The following EEF2KMT variants were observed in gnomAD, a reference collection of about 807,000 sequenced individuals.
EEF2KMT encodes the protein protein-lysine N-methyltransferase EEF2KMT.
EEF2KMT carries 30 observed loss-of-function variants against 35.1 expected under a neutral mutation model. The observed-to-expected ratio is 0.85, with a 90% confidence interval of 0.64 to 1.16. The LOEUF (loss-of-function observed/expected upper bound fraction) is 1.16. EEF2KMT is among the 50% of genes most tolerant of loss of function. The probability of loss-of-function intolerance (pLI) is 0.00; values close to 1 mark genes in which losing one functional copy is unlikely to be tolerated. For missense variants in EEF2KMT, 499 were observed against 438.2 expected (o/e 1.14, Z -1.24); for synonymous variants, 190 against 187.7 (o/e 1.01, Z -0.10).
chr16:5,091,113 C>G (rs945556715), intron 4 of EEF2KMT, among the ~76,000 whole-genome samples: 3 of 151,904 alleles, frequency 2.0e-5, no homozygotes, highest in African/African-American at 7.3e-5. Flanking sequence ...CAGAGATTTG[C>G]TCTCGTTGCC....
At chr16:5,088,684 T>A (rs984315698) in intron 7 of EEF2KMT, among the ~76,000 whole-genome samples, 4 of 152,158 alleles carry the variant, frequency 2.6e-5, no homozygotes, top group African/African-American at 7.2e-5. Context: ...ACAGTCACCC[T>A]GCTCGTCTTC....
At chr16:5,087,821 A>AAC (rs796155903) in intron 7 of EEF2KMT, among the ~76,000 whole-genome samples, 69 of 133,314 alleles carry the variant, frequency 5.2e-4, no homozygotes, top group East Asian at 9.2e-4. Context: ...AAAAAAAAAA[A>AAC]GGTGGGTGGG....
At position 5,090,552 on chromosome 16, in the gene EEF2KMT, G is replaced by T. The variant is rs542077714; in HGVS notation, c.356C>A (p.Ser119Ter). The change falls in exon 5 of 8, where the codon TCG becomes TAG. Residue 119 changes from serine to a stop codon, truncating the protein, a stop_gained. Coordinates refer to ENST00000427587, the MANE Select transcript of EEF2KMT (RefSeq NM_201400.4). LOFTEE classifies it high-confidence loss of function. This position sits in a 1 kb window ranked among gnomAD's most constrained non-coding sequence, Gnocchi z 4.1. Reference sequence around the variant, plus strand: ...GGCCGTGCTCTCGGAGAGTGTGACCGAGCCTCCCGAGGGCTGCACCAAGAG... The same window carrying T: ...GGCCGTGCTCTCGGAGAGTGTGACCTAGCCTCCCGAGGGCTGCACCAAGAG... Reference protein sequence around the residue: ...HRSYLLPSGGSVTLSESTAII... With the variant: ...HRSYLLPSGG 13 of 1,611,962 alleles carry T rather than the reference G, an allele frequency of 8.1e-6. No individual in the cohort carries two copies. The East Asian group carries it at 2.5e-4, about 30-fold the overall frequency.
intron 3 of EEF2KMT, among the ~76,000 whole-genome samples, chr16:5,092,855 A>C (rs1446687828): frequency 6.6e-6 from 1 of 152,128 alleles, no homozygotes; most frequent in Non-Finnish European, 1.5e-5. Context: ...CCAGCTTCTT[A>C]GGAGGCTGGC....
At chr16:5,089,975 C>G in intron 6 of EEF2KMT, 109 bp downstream of exon 6, 1 of 1,514,366 alleles carries the variant, frequency 6.6e-7, no homozygotes. Flanking sequence ...TCTGGAAGCC[C>G]CATCATGTCC....
At position 5,085,353 on chromosome 16, in the gene EEF2KMT, G is replaced by GT. The variant is rs1957118439; in HGVS notation, c.*278dup. ...GGGGAACATCATACTTGATACACAC[G>GT]TTTTTATTTGCACAAAGAAAATGCT... On this transcript the variant is annotated 3_prime_UTR_variant, in exon 8 of 8. Transcript: ENST00000427587. The GT allele has an allele frequency of 2.0e-6, 1 of 509,332 alleles. No homozygotes were observed. Among genetic ancestry groups the GT allele is most frequent in the South Asian group, 2.1e-5 (1 of 47,856 alleles). The allele number at this position is 509,332 out of a possible 1,614,324, so 31.6% of individuals were successfully genotyped here.
intron 1 of EEF2KMT, chr16:5,097,351 T>G: frequency 6.9e-7 from 1 of 1,448,444 alleles, no homozygotes; most frequent in South Asian, 1.2e-5. Context: ...GAACGATTAC[T>G]GCCTTTAAAA....
chr16:5,087,443 C>T (rs1473319088), intron 7 of EEF2KMT: 1 of 152,182 alleles, frequency 6.6e-6, no homozygotes, highest in Admixed American at 6.5e-5. Flanking sequence ...CCGCGTCAGC[C>T]TCCTGAGGAG....
At chr16:5,092,394 C>G (rs867356619) in intron 3 of EEF2KMT, among the ~76,000 whole-genome samples, 1 of 152,160 alleles carries the variant, frequency 6.6e-6, no homozygotes, top group Non-Finnish European at 1.5e-5. Context: ...GTCAGCAGGC[C>G]GCTTCTCCAC....
In EEF2KMT at chr16:5,089,169, T is replaced by A. The variant is rs1198707433; in HGVS notation, c.830A>T (p.Glu277Val). Residue 277 changes from glutamate to valine, a missense_variant, in exon 7 of 8, where the codon GAG becomes GTG. Physicochemically the swap from Glu to Val is moderately radical, Grantham distance 121 (BLOSUM62 -2). Coordinates refer to ENST00000427587, the MANE Select transcript of EEF2KMT (RefSeq NM_201400.4). ...GCGGACGGTAAAGGCCACGTAGACC[T>A]CAGGAGCCCGCTGGTGCTCCCGGCA... ...AACREHQRAP[E>V]VYVAFTVRNP... 1 of 1,612,122 alleles carries A rather than the reference T, an allele frequency of 6.2e-7. No homozygotes were observed. Among genetic ancestry groups the A allele is most frequent in the African/African-American group, 1.3e-5 (1 of 75,014 alleles).
intron 1 of EEF2KMT, among the ~76,000 whole-genome samples, chr16:5,096,861 G>T (rs1186281355): frequency 6.6e-6 from 1 of 152,172 alleles, no homozygotes. Context: ...TTCTATTTTG[G>T]GTTAAAAATG....
chr16:5,095,790 G>A (rs983131737), intron 1 of EEF2KMT, among the ~76,000 whole-genome samples: 3 of 140,828 alleles, frequency 2.1e-5, no homozygotes, highest in African/African-American at 7.9e-5. Context: ...TGCTCAGCCA[G>A]GAATTACCAG....
intron 6 of EEF2KMT, chr16:5,089,516 T>G: frequency 1.7e-6 from 1 of 574,456 alleles, no homozygotes; most frequent in Non-Finnish European, 3.1e-6. Flanking sequence ...GCTCTGGTTC[T>G]TGGCCTATCT....
intron 1 of EEF2KMT, among the ~76,000 whole-genome samples, chr16:5,096,272 C>T (rs1415679912): frequency 1.3e-5 from 2 of 152,188 alleles, no homozygotes; most frequent in Non-Finnish European, 2.9e-5. Flanking sequence ...ACTCTTCTTC[C>T]CAGTTCCCGC....
chr16:5,097,357 T>G, intron 1 of EEF2KMT: 1 of 1,453,886 alleles, frequency 6.9e-7, no homozygotes, highest in Admixed American at 2.1e-5. Flanking sequence ...TTACTGCCTT[T>G]AAAAAGTCGT....
chr16:5,093,638 C>T (rs1193767598), intron 2 of EEF2KMT, 74 bp from the exon 3 acceptor site: 22 of 1,604,640 alleles, frequency 1.4e-5, no homozygotes, highest in Non-Finnish European at 1.8e-5. Flanking sequence ...GCCAACACAG[C>T]AGAGGGCAAA....
At chr16:5,095,839 A>AGTTTG (rs1596281539) in intron 1 of EEF2KMT, among the ~76,000 whole-genome samples, 2 of 17,550 alleles carry the variant, frequency 1.1e-4, no homozygotes, top group Non-Finnish European at 1.6e-4. Flanking sequence ...CTTGCCATCT[A>AGTTTG]AGTGGAGATG....
Position 5,090,026 on chromosome 16 carries a change from G to T in EEF2KMT, c.742+58C>A. On this transcript the variant is annotated intron_variant, in intron 6 of 7. Coordinates refer to ENST00000427587, the MANE Select transcript of EEF2KMT (RefSeq NM_201400.4). This position sits in a 1 kb window ranked among gnomAD's most constrained non-coding sequence, Gnocchi z 4.1. ...CATTGTTCCCTTTTCCCAGAGCCAA[G>T]AGCTGGGTAGAGCTGCAAGGACACC... The T allele has an allele frequency of 6.3e-7, 1 of 1,596,232 alleles. No homozygotes were observed. The highest frequency in any genetic ancestry group is 8.5e-7 in the Non-Finnish European group (1 of 1,178,970).
At chr16:5,097,563 G>A (rs532339826) in intron 1 of EEF2KMT, 81 bp downstream of exon 1, 2 of 1,521,114 alleles carry the variant, frequency 1.3e-6, no homozygotes, top group African/African-American at 2.8e-5. Context: ...GAGCGCCAGG[G>A]GCTTCAGCAC....
Sources: allele counts gnomAD v4.1 joint callset (sites outside exome capture counted in the v4.1 genomes callset), GRCh38; gene constraint gnomAD v4.1.1; non-coding constraint Gnocchi (gnomAD v3.1); transcripts MANE v1.5; gene names NCBI Gene and HGNC (gene_info 2026-07-23, HGNC 2026-07-21).